DPYD: variants seen among roughly 807,000 people sequenced by gnomAD.
DPYD encodes dihydropyrimidine dehydrogenase.
A neutral mutation model predicts 116.2 loss-of-function variants in DPYD; 109 were observed. That is an observed-to-expected ratio of 0.94 (90% confidence interval 0.80 to 1.10). DPYD has a LOEUF of 1.10. Among genes scored for constraint, DPYD ranks in the 50% least tolerant of loss-of-function variants. The probability of loss-of-function intolerance (pLI) is 0.00; values close to 1 mark genes in which losing one functional copy is unlikely to be tolerated. For missense variants in DPYD, 1,302 were observed against 1,254.5 expected, an observed-to-expected ratio of 1.04 and a Z score of -0.57; for synonymous variants, 440 against 432.0, an observed-to-expected ratio of 1.02 and a Z score of -0.23.
intron 7 of DPYD, among the ~76,000 whole-genome samples, chr1:97,687,590 C>A (rs570053210): frequency 2.3e-4 from 35 of 152,164 alleles, no homozygotes; most frequent in African/African-American, 8.2e-4. Context: ...GACATAGAAC[C>A]AGAAATACTA....
intron 13 of DPYD, among the ~76,000 whole-genome samples, chr1:97,455,611 T>C (rs1014998578): frequency 3.3e-5 from 5 of 151,894 alleles, no homozygotes; most frequent in African/African-American, 1.2e-4. Flanking sequence ...TCATTATAAA[T>C]CTAACATACT....
intron 18 of DPYD, among the ~76,000 whole-genome samples, chr1:97,273,326 A>C (rs998950626): frequency 6.6e-6 from 1 of 152,138 alleles, no homozygotes; most frequent in Non-Finnish European, 1.5e-5. Flanking sequence ...TGATCCTAAA[A>C]TCTTTGCAAA....
intron 3 of DPYD, among the ~76,000 whole-genome samples, chr1:97,788,032 T>C (rs375010589): frequency 4.1e-4 from 62 of 152,314 alleles, no homozygotes; most frequent in African/African-American, 1.3e-3. Context: ...ACTTCAAAGA[T>C]GGTGCCAATA....
intron 1 of DPYD, among the ~76,000 whole-genome samples, chr1:97,907,582 C>T (rs1396986658): frequency 6.6e-6 from 1 of 152,042 alleles, no homozygotes; most frequent in Admixed American, 6.6e-5. Context: ...CAATTACTTC[C>T]TTCAACTACA....
intron 1 of DPYD, among the ~76,000 whole-genome samples, chr1:97,898,957 T>G (rs1035299665): frequency 1.3e-5 from 2 of 151,908 alleles, no homozygotes; most frequent in Admixed American, 1.3e-4. Context: ...TTATCCAGTT[T>G]CAGGTATGTC....
chr1:97,444,608 T>C (rs184521462), intron 14 of DPYD, among the ~76,000 whole-genome samples: 1 of 152,320 alleles, frequency 6.6e-6, no homozygotes, highest in Non-Finnish European at 1.5e-5. Context: ...CACATATACA[T>C]ATATATACAT....
chr1:97,384,807 A>C (rs1463572459), intron 14 of DPYD, among the ~76,000 whole-genome samples: 1 of 152,142 alleles, frequency 6.6e-6, no homozygotes, highest in African/African-American at 2.4e-5. Context: ...TAGTCACAAA[A>C]AGGTTGAACA....
intron 19 of DPYD, among the ~76,000 whole-genome samples, chr1:97,222,996 C>A (rs1246546141): frequency 2.0e-5 from 3 of 151,796 alleles, no homozygotes; most frequent in African/African-American, 7.3e-5. Flanking sequence ...ATATAGGGTG[C>A]AAAATTTTTA....
At chr1:97,633,597 A>T (rs1571097149) in intron 8 of DPYD, among the ~76,000 whole-genome samples, 1 of 152,040 alleles carries the variant, frequency 6.6e-6, no homozygotes, top group African/African-American at 2.4e-5. Context: ...AAACCAAAAA[A>T]CTTTTCTTGT....
At chr1:97,172,180 T>C (rs1198956057) in intron 20 of DPYD, among the ~76,000 whole-genome samples, 1 of 152,164 alleles carries the variant, frequency 6.6e-6, no homozygotes, top group African/African-American at 2.4e-5. Flanking sequence ...TCTTTCTTCG[T>C]AGGCTCTCTG....
In DPYD at chr1:97,328,915, T is replaced by C. The variant is rs540787801; in HGVS notation, c.2059-22618A>G. On this transcript the variant is annotated intron_variant, in intron 16 of 22. Coordinates refer to ENST00000370192, the MANE Select transcript of DPYD (RefSeq NM_000110.4). ...GTTGTGAATATTCAAGTTGGACTTA[T>C]TTGTATCAGCTCTTTACACCAAAGG... 2.0e-5 allele frequency among the ~76,000 whole-genome samples: 3 copies of C among 152,304 alleles called. No homozygotes were observed. The South Asian group carries it at 6.2e-4, about 32-fold the overall frequency.
Position 97,549,669 on chromosome 1 carries a change from C to T in DPYD, c.1415G>A (p.Ser472Asn), listed in dbSNP as rs776082092. ...ACCACCTGCAAATACCCATGCTTCA[C>T]TAGTTTGCATAGTTTCTGGATCTAC... ...PEVDPETMQT[S>N]EAWVFAGGDV... Residue 472 changes from serine (S) to asparagine (N), a missense_variant, in exon 12 of 23, where the codon AGT (serine) becomes AAT (asparagine). Coordinates refer to ENST00000370192, the MANE Select transcript of DPYD (RefSeq NM_000110.4). 7 of 1,613,734 alleles carry T rather than the reference C, an allele frequency of 4.3e-6. No homozygotes were observed. Among genetic ancestry groups the T allele is most frequent in the African/African-American group, 4.0e-5 (3 of 74,888 alleles).
chr1:97,308,458 A>G (rs1344748983), intron 16 of DPYD: 1 of 151,818 alleles, frequency 6.6e-6, no homozygotes, highest in African/African-American at 2.4e-5. Context: ...GAATTTTAAA[A>G]ACAACTTCTA....
chr1:97,317,477 T>A (rs1048020372), intron 16 of DPYD, among the ~76,000 whole-genome samples: 3 of 152,046 alleles, frequency 2.0e-5, no homozygotes, highest in Non-Finnish European at 4.4e-5. Flanking sequence ...TGTAAATGTA[T>A]AATAAGGAGT....
intron 20 of DPYD, among the ~76,000 whole-genome samples, chr1:97,158,204 A>G (rs965669877): frequency 3.3e-5 from 5 of 152,038 alleles, no homozygotes; most frequent in Admixed American, 3.3e-4. Context: ...TGCTTCTACA[A>G]ATCATGTCAA....
intron 16 of DPYD, among the ~76,000 whole-genome samples, chr1:97,329,874 C>T (rs1412201332): frequency 2.0e-5 from 3 of 149,020 alleles, no homozygotes; most frequent in African/African-American, 7.5e-5. Flanking sequence ...GTCATTTTTA[C>T]CATGTTTGTG....
At chr1:97,335,294 TTAAGTACACAC>T (rs1669226164) in intron 16 of DPYD, among the ~76,000 whole-genome samples, 1 of 123,464 alleles carries the variant, frequency 8.1e-6, no homozygotes. Flanking sequence ...ATTTATGGAG[TTAAGTACACAC>T]ACACACACAC....
rs146270630 is a variant in DPYD, at chr1:97,135,689, G to A, written c.2623-37057C>T. 6.7e-3 allele frequency among the ~76,000 whole-genome samples: 1,013 copies of A among 152,188 alleles called. 11 individuals carry two copies. Among genetic ancestry groups the A allele is most frequent in the African/African-American group, 0.023 (957 of 41,526 alleles). ...ATAGTGTCTTTTTTCTTTCCAAGTA[G>A]ATTTCAAGGTTTTATGGTAGAACAG... On this transcript the variant is annotated intron_variant, in intron 20 of 22. Coordinates refer to ENST00000370192, the MANE Select transcript of DPYD (RefSeq NM_000110.4).
chr1:97,308,481 A>G (rs891359132), intron 16 of DPYD: 1 of 151,892 alleles, frequency 6.6e-6, no homozygotes, highest in Non-Finnish European at 1.5e-5. Flanking sequence ...CAAAATTACC[A>G]TAAAAATTAA....
Sources: gnomAD v4.1 joint callset for allele counts (sites outside exome capture counted in the v4.1 genomes callset) on GRCh38, gnomAD v4.1.1 for gene constraint, MANE v1.5 for transcripts, NCBI Gene and HGNC (gene_info 2026-07-23, HGNC 2026-07-21) for gene names.